PLCL2: variants seen among roughly 807,000 people sequenced by gnomAD.
The protein encoded by PLCL2 is inactive phospholipase C-like protein 2.
Under a neutral mutation model 79.6 loss-of-function variants are expected in PLCL2, and 4 were observed. The observed-to-expected ratio is 0.05, with a 90% confidence interval of 0.02 to 0.11. The LOEUF (loss-of-function observed/expected upper bound fraction) is 0.11, where lower values mean the gene tolerates loss of function less well. PLCL2 is among the 10% of genes least tolerant of loss of function. The probability of loss-of-function intolerance (pLI) is 1.00; values close to 1 mark genes in which losing one functional copy is unlikely to be tolerated. For synonymous variants in PLCL2, 484 were observed against 457.7 expected (o/e 1.06, Z -0.73); for missense variants, 895 against 1,291.0 (o/e 0.69, Z 4.70).
At chr3:16,931,945 G>A (rs1037224374) in intron 1 of PLCL2, among the ~76,000 whole-genome samples, 3 of 152,116 alleles carry the variant, frequency 2.0e-5, no homozygotes, top group African/African-American at 4.8e-5. Flanking sequence ...TGGGATTAGT[G>A]CCCTTATAAG....
intron 4 of PLCL2, among the ~76,000 whole-genome samples, chr3:17,043,563 T>C (rs2064748907): frequency 1.3e-5 from 2 of 152,180 alleles, no homozygotes; most frequent in African/African-American, 4.8e-5. Flanking sequence ...GGAGTTCTTT[T>C]AATTTTCTGA....
intron 4 of PLCL2, among the ~76,000 whole-genome samples, chr3:17,060,528 C>T (rs1331640123): frequency 6.6e-6 from 1 of 152,246 alleles, no homozygotes; most frequent in African/African-American, 2.4e-5. Context: ...TGTAAACACC[C>T]ACAGGTAGGC....
At chr3:17,020,706 T>C (rs1478591689) in intron 3 of PLCL2, among the ~76,000 whole-genome samples, 2 of 152,196 alleles carry the variant, frequency 1.3e-5, no homozygotes, top group Non-Finnish European at 2.9e-5. Context: ...ATTTGCTCTC[T>C]CTGAGTGTTT....
At chr3:16,892,716 G>A (rs549491596) in intron 1 of PLCL2, among the ~76,000 whole-genome samples, 2 of 152,292 alleles carry the variant, frequency 1.3e-5, no homozygotes, top group South Asian at 4.1e-4. Flanking sequence ...CAAGGATTGG[G>A]TGAAGAAGAG....
chr3:16,921,835 C>T (rs1398782464), intron 1 of PLCL2, among the ~76,000 whole-genome samples: 3 of 152,020 alleles, frequency 2.0e-5, no homozygotes, highest in Non-Finnish European at 4.4e-5. Context: ...CCAGATTGAA[C>T]TGTTCTTTAA....
At chr3:16,962,348 C>A in intron 1 of PLCL2, among the ~76,000 whole-genome samples, 1 of 151,838 alleles carries the variant, frequency 6.6e-6, no homozygotes, top group Admixed American at 6.6e-5. Context: ...ACCTTTGCTG[C>A]TTAGCCTGCC....
chr3:16,929,810 A>G (rs886969189), intron 1 of PLCL2, among the ~76,000 whole-genome samples: 7 of 152,228 alleles, frequency 4.6e-5, no homozygotes, highest in African/African-American at 1.7e-4. Flanking sequence ...TGCTGCATGC[A>G]TACATTCAAA....
intron 1 of PLCL2, among the ~76,000 whole-genome samples, chr3:16,911,277 A>T (rs988573905): frequency 2.0e-5 from 3 of 151,572 alleles, no homozygotes; most frequent in Non-Finnish European, 2.9e-5. Flanking sequence ...AAAAAAAGTA[A>T]TGAGCACAGC....
chr3:16,979,344 C>CTT (rs766576392), intron 1 of PLCL2, among the ~76,000 whole-genome samples: 1 of 63,568 alleles, frequency 1.6e-5, no homozygotes, highest in African/African-American at 7.6e-5. Flanking sequence ...AAATCACTTT[C>CTT]TTTTTTTTTT....
chr3:17,024,904 A>T (rs1472310673), intron 3 of PLCL2, among the ~76,000 whole-genome samples: 1 of 152,184 alleles, frequency 6.6e-6, no homozygotes, highest in Non-Finnish European at 1.5e-5. Context: ...AAAGAAAAAC[A>T]GATGTGTTCA....
At chr3:17,040,129 T>TA (rs1415264782) in intron 3 of PLCL2, among the ~76,000 whole-genome samples, 1 of 152,146 alleles carries the variant, frequency 6.6e-6, no homozygotes, top group Non-Finnish European at 1.5e-5. Context: ...TTCTTTTTTT[T>TA]ATATATATAC....
At chr3:17,068,195 C>T (rs190070321) in intron 5 of PLCL2, 130 bp downstream of exon 5, 2 of 600,322 alleles carry the variant, frequency 3.3e-6, no homozygotes, top group African/African-American at 3.7e-5. Flanking sequence ...GCAGAAATCA[C>T]ATGAAGAACT....
At chr3:17,016,172 A>G (rs2064381223) in intron 3 of PLCL2, among the ~76,000 whole-genome samples, 1 of 152,228 alleles carries the variant, frequency 6.6e-6, no homozygotes, top group South Asian at 2.1e-4. Flanking sequence ...CCATTGGAAT[A>G]CTATTTCTAA....
chr3:16,988,234 A>T (rs1382750989), intron 1 of PLCL2, among the ~76,000 whole-genome samples: 1 of 152,202 alleles, frequency 6.6e-6, no homozygotes, highest in Non-Finnish European at 1.5e-5. Context: ...AGCCAGATAC[A>T]TTTAAAAGCA....
Position 16,966,156 on chromosome 3 carries a change from G to T in PLCL2, c.328-43518G>T, listed in dbSNP as rs182910280. Among the ~76,000 whole-genome samples, 773 of 149,148 alleles carry T rather than the reference G, an allele frequency of 5.2e-3. 23 individuals are homozygous for T. Among genetic ancestry groups the T allele is most frequent in the Admixed American group, 0.038 (565 of 14,908 alleles). On this transcript the variant is annotated intron_variant, in intron 1 of 5. Transcript: ENST00000615277. ...TCAGTATGATATTGGCTGTGAGTTTGTCATAAATAGCTCTTATTATTTTGA... is the reference window on the plus strand; with the variant it reads ...TCAGTATGATATTGGCTGTGAGTTTTTCATAAATAGCTCTTATTATTTTGA...
chr3:17,045,160 A>C (rs1454823563), intron 4 of PLCL2, among the ~76,000 whole-genome samples: 1 of 152,228 alleles, frequency 6.6e-6, no homozygotes, highest in Non-Finnish European at 1.5e-5. Context: ...GGGCTCAAAG[A>C]CAGTTGCATA....
intron 1 of PLCL2, among the ~76,000 whole-genome samples, chr3:16,941,885 G>T (rs1030139690): frequency 1.3e-5 from 2 of 151,470 alleles, no homozygotes; most frequent in Admixed American, 6.6e-5. Context: ...AAAAAGGCTT[G>T]GAAAACAGAT....
intron 5 of PLCL2, among the ~76,000 whole-genome samples, chr3:17,074,363 G>T (rs1446062369): frequency 2.0e-5 from 3 of 152,170 alleles, no homozygotes; most frequent in Non-Finnish European, 4.4e-5. Flanking sequence ...AGGAAACCAT[G>T]CTGTAAACAC....
chr3:17,088,341 G>A (rs1417782818), intron 5 of PLCL2, among the ~76,000 whole-genome samples: 1 of 152,150 alleles, frequency 6.6e-6, no homozygotes, highest in Non-Finnish European at 1.5e-5. Context: ...AAGAGGGAAA[G>A]GCGGAGGAGG....
Sources: gnomAD v4.1 joint callset for allele counts (sites outside exome capture counted in the v4.1 genomes callset) on GRCh38, gnomAD v4.1.1 for gene constraint, MANE v1.5 for transcripts, NCBI Gene and HGNC (gene_info 2026-07-23, HGNC 2026-07-21) for gene names.